The following IRAK2 variants were observed in gnomAD, a reference collection of about 807,000 sequenced individuals.
IRAK2 encodes the protein interleukin-1 receptor-associated kinase-like 2.
In IRAK2, 57 loss-of-function variants were observed where a neutral mutation model predicts 72.0. The observed-to-expected ratio is 0.79, with a 90% CI of 0.64 to 0.99. The LOEUF is 0.99. Among genes scored for constraint, IRAK2 ranks in the 50% least tolerant of loss-of-function variants. The pLI is 0.00. For missense variants in IRAK2, 790 were observed against 794.4 expected, an observed-to-expected ratio of 0.99 and a Z score of 0.07; for synonymous variants, 293 against 312.7, an observed-to-expected ratio of 0.94 and a Z score of 0.67.
At chr3:10,198,476 G>A (rs980130434) in intron 2 of IRAK2, among the ~76,000 whole-genome samples, 3 of 152,188 alleles carry the variant, frequency 2.0e-5, no homozygotes, top group Admixed American at 2.0e-4. Flanking sequence ...GCCCTAGCTG[G>A]GTGGGAGACA....
chr3:10,226,049 C>A (rs886837762), intron 9 of IRAK2, among the ~76,000 whole-genome samples: 1 of 152,084 alleles, frequency 6.6e-6, no homozygotes, highest in Admixed American at 6.6e-5. Flanking sequence ...TGTATATATA[C>A]GTGTGTGTGT....
chr3:10,175,024 A>G (rs1252395455), intron 1 of IRAK2, among the ~76,000 whole-genome samples: 3 of 151,792 alleles, frequency 2.0e-5, no homozygotes, highest in Non-Finnish European at 4.4e-5. Flanking sequence ...CTGGGAGGCC[A>G]AGGCTGTGGT....
At chr3:10,192,656 G>A (rs1697195079) in intron 2 of IRAK2, among the ~76,000 whole-genome samples, 1 of 152,172 alleles carries the variant, frequency 6.6e-6, no homozygotes, top group Admixed American at 6.5e-5. Flanking sequence ...GAGTTAGAGT[G>A]GTCATTATAA....
intron 2 of IRAK2, among the ~76,000 whole-genome samples, chr3:10,180,877 G>C (rs1206261080): frequency 6.6e-6 from 1 of 152,142 alleles, no homozygotes; most frequent in African/African-American, 2.4e-5. Flanking sequence ...GGGGAGGCCA[G>C]TGGGGCAGCG....
In IRAK2 at chr3:10,226,403, A is replaced by G. The variant is rs1055956550; in HGVS notation, c.1242A>G (p.Ala414=). The change falls in exon 10 of 13, where the codon GCA becomes GCG. Residue 414 remains alanine (A), a synonymous_variant. Coordinates refer to ENST00000256458, the MANE Select transcript of IRAK2 (RefSeq NM_001570.4). ...CCGAGGTCCTCACGGGCATCCCTGC[A>G]ATGGATAACAACCGAAGCCCGGTTT... is the stretch of plus-strand genomic sequence containing the variant. The part of the protein sequence containing the change: ...VLAEVLTGIP[A]MDNNRSPVYL... 3.7e-6 allele frequency: 6 copies of G among 1,613,540 alleles called. No homozygotes were observed. The East Asian group carries it at 6.7e-5, about 18-fold the overall frequency.
chr3:10,173,064 G>A (rs1010243917), intron 1 of IRAK2, among the ~76,000 whole-genome samples: 7 of 152,138 alleles, frequency 4.6e-5, no homozygotes, highest in African/African-American at 1.4e-4. Flanking sequence ...TGTGTGTTAA[G>A]CACTGTTCTG....
At chr3:10,174,340 G>A (rs549303935) in intron 1 of IRAK2, among the ~76,000 whole-genome samples, 2 of 152,204 alleles carry the variant, frequency 1.3e-5, no homozygotes, top group East Asian at 3.9e-4. Context: ...GTAGGGGATT[G>A]TGCAATCTGG....
chr3:10,190,279 C>CTT (rs555169553), intron 2 of IRAK2, among the ~76,000 whole-genome samples: 2,315 of 114,742 alleles, frequency 0.02, 151 homozygotes, highest in African/African-American at 0.08. Flanking sequence ...TTCTTTGTTT[C>CTT]TTTTTTTTTT....
At position 10,213,510 on chromosome 3, in the gene IRAK2, CGAAAGATTCTTCCAGGCAGAG is replaced by C; in HGVS notation, c.751_771del (p.Glu251_Glu257del). 1 of 1,614,070 alleles carries C rather than the reference CGAAAGATTCTTCCAGGCAGAG, an allele frequency of 6.2e-7. No homozygotes were observed. The highest frequency in any genetic ancestry group is 8.5e-7 in the Non-Finnish European group (1 of 1,179,974). ...CAGCCTGTTCAAGTCCAGGATCAATCGAAAGATTCTTCCAGGCAGAGTTGCAGATTTGTCTTAGGTAAGCCT... is the reference window on the plus strand; with the variant it reads ...CAGCCTGTTCAAGTCCAGGATCAATCTTGCAGATTTGTCTTAGGTAAGCCT... On this transcript the variant is annotated inframe_deletion, in exon 6 of 13. Coordinates refer to ENST00000256458, the MANE Select transcript of IRAK2 (RefSeq NM_001570.4).
intron 2 of IRAK2, 120 bp downstream of exon 2, chr3:10,178,140 G>A: frequency 1.2e-6 from 1 of 834,156 alleles, no homozygotes; most frequent in Non-Finnish European, 1.8e-6. Context: ...AAAATTTAAT[G>A]AGTGAGTTTA....
chr3:10,172,314 C>T (rs1213646345), intron 1 of IRAK2, among the ~76,000 whole-genome samples: 1 of 151,852 alleles, frequency 6.6e-6, no homozygotes, highest in East Asian at 2.0e-4. Context: ...TTGCAGTGAG[C>T]AGAGATCGCA....
chr3:10,208,485 T>C (rs1697465298), intron 3 of IRAK2, among the ~76,000 whole-genome samples: 1 of 146,810 alleles, frequency 6.8e-6, no homozygotes, highest in Admixed American at 6.7e-5. Context: ...TTTGTAGGAC[T>C]GAGCGCAGTG....
intron 8 of IRAK2, among the ~76,000 whole-genome samples, chr3:10,220,987 G>A (rs891462302): frequency 2.6e-5 from 4 of 151,946 alleles, no homozygotes; most frequent in Non-Finnish European, 4.4e-5. Context: ...ATACCGTCAT[G>A]TTTTTTAGTG....
chr3:10,180,947 G>A (rs1279140571), intron 2 of IRAK2, among the ~76,000 whole-genome samples: 1 of 152,000 alleles, frequency 6.6e-6, no homozygotes, highest in Non-Finnish European at 1.5e-5. Context: ...CTGGGGTCGG[G>A]AATGGGGCGA....
chr3:10,213,019 C>CGGCCTCCCAA (rs1157616114), intron 4 of IRAK2, among the ~76,000 whole-genome samples, 188 bp from the exon 5 acceptor site: 1 of 152,032 alleles, frequency 6.6e-6, no homozygotes, highest in Admixed American at 6.6e-5. Flanking sequence ...CCGCCCGCCT[C>CGGCCTCCCAA]GGCCTCCCAA....
rs1268670927 is a variant in IRAK2 at position 10,239,767 on chromosome 3, C to T, written c.1765+728C>T. ...AAAAAACTCAATGCATGTCATCCCT[C>T]GTTCAAAGTCCTCAAGGCCCCATGT... On this transcript the variant is annotated intron_variant, in intron 12 of 12. Coordinates refer to ENST00000256458, the MANE Select transcript of IRAK2 (RefSeq NM_001570.4). Among the ~76,000 whole-genome samples the T allele has an allele frequency of 4.6e-5, 7 of 152,140 alleles. No homozygotes were observed. In the East Asian group the frequency reaches 5.8e-4, roughly 13 times the overall value.
At chr3:10,188,675 C>T (rs1387753420) in intron 2 of IRAK2, among the ~76,000 whole-genome samples, 6 of 152,202 alleles carry the variant, frequency 3.9e-5, no homozygotes, top group African/African-American at 1.2e-4. Flanking sequence ...TACAGGCATG[C>T]GCCACCACGC....
chr3:10,179,247 T>C (rs1157139960), intron 2 of IRAK2, among the ~76,000 whole-genome samples: 7 of 151,982 alleles, frequency 4.6e-5, no homozygotes, highest in Non-Finnish European at 1.0e-4. Flanking sequence ...TTGAGATGTG[T>C]TTATGTTCCT....
At chr3:10,203,805 G>C (rs970289659) in intron 3 of IRAK2, among the ~76,000 whole-genome samples, 2 of 152,096 alleles carry the variant, frequency 1.3e-5, no homozygotes, top group Admixed American at 1.3e-4. Flanking sequence ...CTAATTTTTT[G>C]TATTTTTAGT....
Sources: allele counts gnomAD v4.1 joint callset (sites outside exome capture counted in the v4.1 genomes callset), GRCh38; gene constraint gnomAD v4.1.1; transcripts MANE v1.5; gene names NCBI Gene and HGNC (gene_info 2026-07-23, HGNC 2026-07-21).